Variants in ALG1L2 observed in about 807,000 individuals in gnomAD.
The protein encoded by ALG1L2 is ALG1 chitobiosyldiphosphodolichol beta-mannosyltransferase like 2.
A neutral mutation model predicts 29.0 loss-of-function variants in ALG1L2; 32 were observed. That is an observed-to-expected ratio of 1.10 (90% confidence interval 0.83 to 1.48). The LOEUF (loss-of-function observed/expected upper bound fraction) is 1.48, where lower values mean the gene tolerates loss of function less well. Among genes scored for constraint, ALG1L2 ranks in the 40% most tolerant of loss-of-function variants. ALG1L2 has a pLI of 0.00. For missense variants in ALG1L2, 318 were observed against 274.1 expected, an observed-to-expected ratio of 1.16 and a Z score of -1.13; for synonymous variants, 110 against 109.5, an observed-to-expected ratio of 1.00 and a Z score of -0.03.
Position 130,098,345 on chromosome 3 carries a change from C to G in ALG1L2, c.*90C>G. 2 of 1,596,406 alleles carry G rather than the reference C, an allele frequency of 1.3e-6. No individual in the cohort carries two copies. Among genetic ancestry groups the G allele is most frequent in the Admixed American group, 1.7e-5 (1 of 60,006 alleles). Reference sequence around the variant, plus strand: ...GAGAGCTGGGTGCAGACTGTGCTCCCTTTGGTTATGGACACATAACTCCTG... The same window carrying G: ...GAGAGCTGGGTGCAGACTGTGCTCCGTTTGGTTATGGACACATAACTCCTG... On this transcript the variant is annotated 3_prime_UTR_variant, in exon 8 of 8. Coordinates refer to ENST00000425059, the MANE Select transcript of ALG1L2 (RefSeq NM_001136152.1).
chr3:130,094,223 C>G (rs1935081545), intron 4 of ALG1L2, 180 bp from the exon 5 acceptor site: 4 of 707,354 alleles, frequency 5.7e-6, no homozygotes, highest in East Asian at 5.4e-5. Context: ...TGCACATACC[C>G]CTGCAGGTCT....
At chr3:130,087,452 T>A (rs1209111083) in intron 1 of ALG1L2, among the ~76,000 whole-genome samples, 1 of 149,220 alleles carries the variant, frequency 6.7e-6, no homozygotes, top group Non-Finnish European at 1.5e-5. Flanking sequence ...GATGATCGTT[T>A]GCTCCAATGT....
At chr3:130,097,400 G>A (rs1935166343) in intron 7 of ALG1L2, 150 bp downstream of exon 7, 1 of 1,303,834 alleles carries the variant, frequency 7.7e-7, no homozygotes, top group South Asian at 1.5e-5. Context: ...ACAGAGGCTG[G>A]CCTACTCTGC....
chr3:130,093,522 A>G (rs530590110), intron 4 of ALG1L2, among the ~76,000 whole-genome samples: 122 of 149,612 alleles, frequency 8.2e-4, no homozygotes, highest in African/African-American at 2.9e-3. Context: ...TGCCTCTCAC[A>G]TTCAAGCAAT....
At chr3:130,097,278 T>C (rs755241477) in intron 7 of ALG1L2, 28 bp downstream of exon 7, 1 of 1,602,260 alleles carries the variant, frequency 6.2e-7, no homozygotes, top group South Asian at 1.1e-5. Flanking sequence ...CACGCCAGGG[T>C]GGACAGGGTT....
rs189107736 is a variant in ALG1L2 at position 130,098,354 on chromosome 3, T to A, written c.*99T>A. ...GTGCAGACTGTGCTCCCTTTGGTTA[T>A]GGACACATAACTCCTGGGCCAGAGG... On this transcript the variant is annotated 3_prime_UTR_variant, in exon 8 of 8. Coordinates refer to ENST00000425059, the MANE Select transcript of ALG1L2 (RefSeq NM_001136152.1). The A allele has an allele frequency of 0.074, 117,600 of 1,595,382 alleles. 5,068 individuals are homozygous for A. The highest frequency in any genetic ancestry group is 0.17 in the East Asian group (7,618 of 44,784).
chr3:130,096,296 G>C lies in ALG1L2; in HGVS notation c.539+133G>C, dbSNP rs9864424. 1.9e-5 allele frequency: 19 copies of C among 979,848 alleles called. No homozygotes were observed. In the Middle Eastern group the frequency reaches 9.7e-4, roughly 50 times the overall value. 60.7% of individuals were successfully genotyped at this position (979,848 alleles called of 1,614,324 possible). A position where few individuals can be genotyped will look rare whatever the true frequency, so the allele number is the denominator to read the frequency against. ...GTCCAGCACACACTGGAGGCCACGA[G>C]GAGGAGCCCTGCGGTTACTGTGGCT... On this transcript the variant is annotated intron_variant, in intron 6 of 7. Transcript: ENST00000425059.
Position 130,091,364 on chromosome 3 carries a change from A to C in ALG1L2, c.124A>C (p.Arg42=). Residue 42 remains arginine, a synonymous_variant, in exon 2 of 8, where the codon AGG becomes CGG. Transcript: ENST00000425059. ...MKLGSTHSPF[R]ARSEPEDPDT... ...GCTGGGCAGCACGCACTCTCCGTTC[A>C]GGGCCCGGTAGGCCTCCCACCCTCA... The C allele has an allele frequency of 6.3e-7, 1 of 1,596,684 alleles. No homozygotes were observed. Among genetic ancestry groups the C allele is most frequent in the Non-Finnish European group, 8.5e-7 (1 of 1,179,622 alleles).
Position 130,093,932 on chromosome 3 carries a change from G to A in ALG1L2, c.314-471G>A, listed in dbSNP as rs367935663. 40 of 209,670 alleles carry A rather than the reference G, an allele frequency of 1.9e-4. No individual in the cohort carries two copies. The East Asian group carries it at 3.1e-3, about 16-fold the overall frequency. 13.0% of individuals were successfully genotyped at this position (209,670 alleles called of 1,614,324 possible). On this transcript the variant is annotated intron_variant, in intron 4 of 7. Transcript: ENST00000425059. ...GGCTCCCAGGACTGGTTTGGAACCC[G>A]CGCCATGTGCTCTGGAGGCTGTGGC...
intron 4 of ALG1L2, chr3:130,093,809 G>C (rs1935069922): frequency 6.2e-6 from 1 of 160,120 alleles, no homozygotes; most frequent in Non-Finnish European, 1.4e-5. Context: ...GCCCTTTCAA[G>C]ATGATTCAGT....
intron 1 of ALG1L2, among the ~76,000 whole-genome samples, chr3:130,085,376 A>G (rs1291738366): frequency 1.6e-5 from 2 of 122,428 alleles, no homozygotes; most frequent in African/African-American, 2.9e-5. Context: ...GATTACAGGC[A>G]TGAGTCACTG....
At position 130,082,029 on chromosome 3, in the gene ALG1L2, G is replaced by T. The variant is rs1577323196; in HGVS notation, c.13G>T (p.Ala5Ser). Residue 5 changes from alanine to serine, a missense_variant, in exon 1 of 8, where the codon GCA (alanine) becomes TCA (serine). Ala to Ser is a moderately conservative substitution (Grantham distance 99). Transcript: ENST00000425059. MGAT[A>S]GWAVTVYDKP... The stretch of plus-strand genomic sequence containing the variant: ...AACCTGAAGGGACATGGGAGCTACT[G>T]CAGGCTGGTAAGCAGGGGGGTGGTG... 6.6e-7 allele frequency: 1 copy of T among 1,510,338 alleles called. No individual in the cohort carries two copies. Among genetic ancestry groups the T allele is most frequent in the Non-Finnish European group, 9.0e-7 (1 of 1,112,388 alleles). The allele number at this position is 1,510,338 out of a possible 1,614,324, so 93.6% of individuals were successfully genotyped here. A position where few individuals can be genotyped will look rare whatever the true frequency, so the allele number is the denominator to read the frequency against.
At chr3:130,084,413 GC>G in intron 1 of ALG1L2, among the ~76,000 whole-genome samples, 1 of 148,494 alleles carries the variant, frequency 6.7e-6, no homozygotes, top group South Asian at 2.1e-4. Context: ...GAAGGTGACA[GC>G]CAGAAGCAGG....
At chr3:130,088,323 T>A (rs1415375662) in intron 1 of ALG1L2, among the ~76,000 whole-genome samples, 1 of 152,306 alleles carries the variant, frequency 6.6e-6, no homozygotes, top group Non-Finnish European at 1.5e-5. Context: ...AATCACCACA[T>A]GCTGTGGGAG....
intron 4 of ALG1L2, 188 bp from the exon 5 acceptor site, chr3:130,094,215 C>A (rs1215816217): frequency 3.0e-6 from 2 of 668,950 alleles, no homozygotes; most frequent in Non-Finnish European, 5.1e-6. Flanking sequence ...GGTCAGGGTG[C>A]ACATACCCCT....
intron 4 of ALG1L2, 191 bp from the exon 5 acceptor site, chr3:130,094,212 G>A (rs1935080989): frequency 6.1e-6 from 4 of 658,760 alleles, no homozygotes; most frequent in African/African-American, 3.6e-5. Context: ...AGGGGTCAGG[G>A]TGCACATACC....
chr3:130,096,210 A>G (rs1935130788), intron 6 of ALG1L2, 47 bp downstream of exon 6: 5 of 1,595,574 alleles, frequency 3.1e-6, no homozygotes, highest in African/African-American at 2.7e-5. Flanking sequence ...TCACAGATCC[A>G]CCGCTGAGGG....
At chr3:130,089,338 C>CA (rs1934960226) in intron 1 of ALG1L2, 1 of 152,348 alleles carries the variant, frequency 6.6e-6, no homozygotes, top group South Asian at 2.1e-4. Context: ...AGGTGCCCCC[C>CA]TCTGCCCTGC....
At chr3:130,095,965 G>A (rs1935121764) in intron 5 of ALG1L2, 84 bp from the exon 6 acceptor site, 2 of 1,373,342 alleles carry the variant, frequency 1.5e-6, no homozygotes, top group Middle Eastern at 2.5e-4. Context: ...ACTCCCCTCG[G>A]GGGGTGTTGC....
Sources: gnomAD v4.1 joint callset for allele counts (sites outside exome capture counted in the v4.1 genomes callset) on GRCh38, gnomAD v4.1.1 for gene constraint, MANE v1.5 for transcripts, NCBI Gene and HGNC (gene_info 2026-07-23, HGNC 2026-07-21) for gene names.